Variants in KLHL22 observed in about 807,000 individuals in gnomAD.
The protein encoded by KLHL22 is kelch-like protein 22.
In KLHL22, 18 loss-of-function variants were observed where a neutral mutation model predicts 60.7. That is an observed-to-expected ratio of 0.30 (90% CI 0.20 to 0.44). KLHL22 has a LOEUF of 0.44. Among genes scored for constraint, KLHL22 ranks in the 20% least tolerant of loss-of-function variants. The pLI, the probability that KLHL22 is intolerant of heterozygous loss-of-function variation, is 1.00. For synonymous variants in KLHL22, 355 were observed against 354.5 expected, an observed-to-expected ratio of 1.00 and a Z score of -0.01; for missense variants, 596 against 852.3, an observed-to-expected ratio of 0.70 and a Z score of 3.74.
intron 4 of KLHL22, among the ~76,000 whole-genome samples, chr22:20,461,885 G>A (rs2053160654): frequency 1.3e-5 from 2 of 152,166 alleles, no homozygotes; most frequent in Admixed American, 6.5e-5. Context: ...GATCACCTGA[G>A]GTCAGGAGTT....
At chr22:20,460,270 A>G (rs1267213414) in intron 4 of KLHL22, among the ~76,000 whole-genome samples, 1 of 152,166 alleles carries the variant, frequency 6.6e-6, no homozygotes, top group Non-Finnish European at 1.5e-5. Flanking sequence ...TTGTCCTCAC[A>G]GCTTTTTAAG....
intron 4 of KLHL22, among the ~76,000 whole-genome samples, chr22:20,460,626 A>C (rs1435606762): frequency 8.9e-5 from 13 of 146,204 alleles, no homozygotes; most frequent in South Asian, 4.3e-4. Context: ...AAAAAAAAAA[A>C]AAAAAAAAAA....
chr22:20,441,960 G>A lies in KLHL22; in HGVS notation c.*113C>T. The A allele has an allele frequency of 8.8e-7, 1 of 1,130,990 alleles. No individual in the cohort carries two copies. Among genetic ancestry groups the A allele is most frequent in the South Asian group, 2.1e-5 (1 of 47,404 alleles). The allele number at this position is 1,130,990 out of a possible 1,614,324, so 70.1% of individuals were successfully genotyped here. ...AAAGAGGGCAGGGCCCATAAGCTGT[G>A]GCCAACAGGGGCAGGGGCCCTGCCT... On this transcript the variant is annotated 3_prime_UTR_variant, in exon 7 of 7. Transcript: ENST00000328879.
chr22:20,462,112 C>T (rs1040424349), intron 4 of KLHL22, among the ~76,000 whole-genome samples: 2 of 149,048 alleles, frequency 1.3e-5, no homozygotes, highest in Non-Finnish European at 3.0e-5. Context: ...AACAAAAAAA[C>T]AAAAAAACAA....
At chr22:20,479,400 A>C (rs1404660395) in intron 2 of KLHL22, among the ~76,000 whole-genome samples, 2 of 152,142 alleles carry the variant, frequency 1.3e-5, no homozygotes, top group Admixed American at 6.5e-5. Flanking sequence ...AAACAAACAA[A>C]AAGTAGGCCG....
intron 1 of KLHL22, among the ~76,000 whole-genome samples, chr22:20,493,782 G>A (rs1402165244): frequency 2.0e-5 from 3 of 152,062 alleles, no homozygotes; most frequent in Non-Finnish European, 4.4e-5. Context: ...TGCAAAGTAG[G>A]CTGGGCACAG....
intron 4 of KLHL22, among the ~76,000 whole-genome samples, chr22:20,461,044 G>A (rs1237508420): frequency 3.3e-5 from 5 of 152,282 alleles, no homozygotes; most frequent in Admixed American, 1.3e-4. Context: ...GGACCTTACC[G>A]GGACTAAACT....
rs1601399696 is a variant in KLHL22, at chr22:20,493,363, C to T, written c.-34+2397G>A. The T allele has an allele frequency of 7.5e-6, 3 of 401,806 alleles. No individual in the cohort carries two copies. The East Asian group carries it at 2.1e-4, about 29-fold the overall frequency. The allele number at this position is 401,806 out of a possible 1,614,324, so 24.9% of individuals were successfully genotyped here. The stretch of plus-strand genomic sequence containing the variant: ...AATTCTCTGCTGGGAAGGAGCACAG[C>T]ACAGGGTGCAACATTTAAAACATTT... On this transcript the variant is annotated intron_variant, in intron 1 of 6. Transcript: ENST00000328879.
chr22:20,463,708 G>T (rs930145873), intron 4 of KLHL22, among the ~76,000 whole-genome samples: 6 of 152,260 alleles, frequency 3.9e-5, no homozygotes, highest in South Asian at 4.1e-4. Flanking sequence ...AATGAAGGTA[G>T]CTGTTTCCTT....
chr22:20,446,402 G>T, intron 6 of KLHL22, 41 bp downstream of exon 6: 4 of 1,093,566 alleles, frequency 3.7e-6, no homozygotes, highest in Non-Finnish European at 5.5e-6. Context: ...TGAGAGGCTT[G>T]GGAATGATGA....
At chr22:20,485,975 T>C (rs758120058) in intron 2 of KLHL22, among the ~76,000 whole-genome samples, 1 of 151,842 alleles carries the variant, frequency 6.6e-6, no homozygotes, top group South Asian at 2.1e-4. Context: ...GAGATCAGCC[T>C]GGCCAACATG....
intron 2 of KLHL22, chr22:20,483,347 C>G: frequency 1.4e-6 from 1 of 739,284 alleles, no homozygotes; most frequent in Non-Finnish European, 2.5e-6. Context: ...TCATATTGAG[C>G]CTGGATGTCT....
At chr22:20,494,642 G>A (rs909484002) in intron 1 of KLHL22, among the ~76,000 whole-genome samples, 3 of 152,162 alleles carry the variant, frequency 2.0e-5, no homozygotes, top group African/African-American at 7.2e-5. Flanking sequence ...CTCCCAAAGT[G>A]CTGGGATTAC....
intron 3 of KLHL22, among the ~76,000 whole-genome samples, chr22:20,467,669 A>G (rs796278119): frequency 6.6e-6 from 1 of 152,120 alleles, no homozygotes; most frequent in African/African-American, 2.4e-5. Context: ...TTATTTATTT[A>G]TTATTTTGAG....
chr22:20,450,401 A>G, intron 5 of KLHL22: 1 of 1,477,188 alleles, frequency 6.8e-7, no homozygotes, highest in Non-Finnish European at 9.5e-7. Flanking sequence ...GTACACGGAA[A>G]CAGTACATGT....
chr22:20,460,608 CCCAAA>C lies in KLHL22; in HGVS notation c.1113-2613_1113-2609del, dbSNP rs1420021575. On this transcript the variant is annotated intron_variant, in intron 4 of 6. Transcript: ENST00000328879. ...TGGGCGACAGAGTGAAACTCCATCC[CCCAAA>C]AAAAAAAAAAAAAAAAAAAAAAAAA... Among the ~76,000 whole-genome samples the C allele has an allele frequency of 8.5e-3, 279 of 32,674 alleles. 72 individuals are homozygous for C. The highest frequency in any genetic ancestry group is 0.027 in the African/African-American group (256 of 9,484). The allele number at this position is 32,674 out of a possible 152,430, so 21.4% of individuals were successfully genotyped here.
At chr22:20,446,812 A>G in intron 5 of KLHL22, 136 bp from the exon 6 acceptor site, 2 of 683,412 alleles carry the variant, frequency 2.9e-6, no homozygotes, top group Non-Finnish European at 5.3e-6. Flanking sequence ...TCACATACAG[A>G]CAAGAATCCT....
chr22:20,490,996 G>A (rs1413474290), intron 1 of KLHL22: 1 of 152,168 alleles, frequency 6.6e-6, no homozygotes, highest in African/African-American at 2.4e-5. Flanking sequence ...TGTTTCACCT[G>A]TGCTTCTGAC....
chr22:20,468,116 C>T (rs1374455287), intron 3 of KLHL22, among the ~76,000 whole-genome samples: 1 of 152,206 alleles, frequency 6.6e-6, no homozygotes, highest in Non-Finnish European at 1.5e-5. Flanking sequence ...TGGTGCTTTG[C>T]TAGGCCCTGA....
Sources: allele counts gnomAD v4.1 joint callset (sites outside exome capture counted in the v4.1 genomes callset), GRCh38; gene constraint gnomAD v4.1.1; transcripts MANE v1.5; gene names NCBI Gene and HGNC (gene_info 2026-07-23, HGNC 2026-07-21).